TEX2: variants seen among roughly 807,000 people sequenced by gnomAD.
TEX2 encodes testis expressed 2.
Under a neutral mutation model 106.9 loss-of-function variants are expected in TEX2, and 53 were observed. The observed-to-expected ratio is 0.50, with a 90% CI of 0.40 to 0.62. The LOEUF is 0.62. Ranked by LOEUF, TEX2 falls within the 20% of genes least tolerant of loss-of-function variation. The pLI, the probability that TEX2 is intolerant of heterozygous loss-of-function variation, is 0.00. For missense variants in TEX2, 1,207 were observed against 1,379.0 expected (o/e 0.88, Z 1.98); for synonymous variants, 523 against 534.8 (o/e 0.98, Z 0.30).
At chr17:64,165,612 G>A (rs564793352) in intron 7 of TEX2, among the ~76,000 whole-genome samples, 8 of 152,368 alleles carry the variant, frequency 5.3e-5, no homozygotes, top group South Asian at 2.1e-4. Context: ...GTGGCAGGAG[G>A]AGTGGGCAAG....
chr17:64,179,548 A>G (rs6504207), intron 5 of TEX2, among the ~76,000 whole-genome samples: 149,063 of 152,270 alleles, frequency 0.98, 72,977 homozygotes, highest in East Asian at 1. Flanking sequence ...AACACTCACC[A>G]TGAAGGTCCG....
chr17:64,212,776 A>C lies in TEX2; in HGVS notation c.1442T>G (p.Met481Arg). Residue 481 changes from methionine (M) to arginine (R), a missense_variant, in exon 2 of 12, where the codon ATG becomes AGG. Around this residue, in one of 3 missense-constraint regions of TEX2, gnomAD observed 1,067 missense variants for 1,193.6 expected, o/e 0.89. Transcript: ENST00000584379. ...LPVKTLGFFI[M>R]CVYVYLILPL... The stretch of plus-strand genomic sequence containing the variant: ...GAGGATGAGGTACACATAGACACAC[A>C]TTATAAAGAAGCCCAACGTCTTCAC... 5 of 1,614,144 alleles carry C rather than the reference A, an allele frequency of 3.1e-6. No individual in the cohort carries two copies. The highest frequency in any genetic ancestry group is 4.2e-6 in the Non-Finnish European group (5 of 1,180,032).
At chr17:64,257,916 C>CTTT (rs566218290) in intron 1 of TEX2, among the ~76,000 whole-genome samples, 2 of 145,384 alleles carry the variant, frequency 1.4e-5, no homozygotes. Flanking sequence ...TATAACCGTT[C>CTTT]TTTTTTTTTT....
intron 1 of TEX2, among the ~76,000 whole-genome samples, chr17:64,230,222 C>G (rs1463268863): frequency 6.6e-6 from 1 of 151,546 alleles, no homozygotes; most frequent in East Asian, 2.0e-4. Flanking sequence ...TATGAGAAGG[C>G]ATGGTGGAAG....
intron 6 of TEX2, among the ~76,000 whole-genome samples, chr17:64,173,205 T>C (rs1166104215): frequency 6.6e-6 from 1 of 152,216 alleles, no homozygotes; most frequent in Non-Finnish European, 1.5e-5. Flanking sequence ...CTTTATAATA[T>C]ATTTTAGCTT....
chr17:64,219,957 C>T (rs893618428), intron 1 of TEX2, among the ~76,000 whole-genome samples: 10 of 152,122 alleles, frequency 6.6e-5, no homozygotes, highest in Admixed American at 1.3e-4. Context: ...CCTGGATTGC[C>T]TGGGTGGGCC....
intron 1 of TEX2, among the ~76,000 whole-genome samples, chr17:64,242,721 G>C (rs782370292): frequency 2.6e-5 from 4 of 152,120 alleles, no homozygotes; most frequent in Non-Finnish European, 4.4e-5. Flanking sequence ...AACGTACTTT[G>C]TTAAAAACAT....
At chr17:64,188,511 G>A (rs2032171504) in intron 4 of TEX2, 96 bp from the exon 5 acceptor site, 1 of 1,561,440 alleles carries the variant, frequency 6.4e-7, no homozygotes, top group Non-Finnish European at 8.7e-7. Flanking sequence ...GCTATCAAAT[G>A]ACTGTTTAAA....
Position 64,147,304 on chromosome 17 carries a change from C to T in TEX2, c.*1665G>A, listed in dbSNP as rs1398298553. The T allele has an allele frequency of 6.6e-6, 1 of 152,128 alleles. No individual in the cohort carries two copies. The highest frequency in any genetic ancestry group is 1.5e-5 in the Non-Finnish European group (1 of 68,026). The allele number at this position is 152,128 out of a possible 1,614,324, so 9.4% of individuals were successfully genotyped here. A position where few individuals can be genotyped will look rare whatever the true frequency, so the allele number is the denominator to read the frequency against. On this transcript the variant is annotated 3_prime_UTR_variant, in exon 12 of 12. Transcript: ENST00000584379. ...GATGTAGTGAGGATGGCTTTGTAGCCTTAGGACTGGGCAGTGATCAACGCA... is the reference window on the plus strand; with the variant it reads ...GATGTAGTGAGGATGGCTTTGTAGCTTTAGGACTGGGCAGTGATCAACGCA...
Position 64,153,209 on chromosome 17 carries a change from C to T in TEX2, c.2931-55G>A. ...GCACAAACTTTGCTCTTTTCACAGA[C>T]AAAAACCTGTGGCTCTTCGTTCCCC... On this transcript the variant is annotated intron_variant, in intron 9 of 11. Coordinates refer to ENST00000584379, the MANE Select transcript of TEX2 (RefSeq NM_001288732.2). This position sits in a 1 kb window ranked among gnomAD's most constrained non-coding sequence, Gnocchi z 4.1. 1 of 1,268,116 alleles carries T rather than the reference C, an allele frequency of 7.9e-7. No individual in the cohort carries two copies. Among genetic ancestry groups the T allele is most frequent in the Non-Finnish European group, 1.1e-6 (1 of 888,238 alleles). 78.6% of individuals were successfully genotyped at this position (1,268,116 alleles called of 1,614,324 possible).
At chr17:64,248,296 T>A (rs2034027999) in intron 1 of TEX2, among the ~76,000 whole-genome samples, 1 of 152,186 alleles carries the variant, frequency 6.6e-6, no homozygotes, top group Admixed American at 6.5e-5. Flanking sequence ...GAGAAAAGAA[T>A]CTATTTTATA....
intron 1 of TEX2, among the ~76,000 whole-genome samples, chr17:64,235,765 A>G (rs900795211): frequency 1.1e-4 from 16 of 152,326 alleles, no homozygotes; most frequent in Admixed American, 3.9e-4. Context: ...ATTGCTATAC[A>G]TAAGTAAATG....
rs771489710 is a variant in TEX2 at position 64,193,856 on chromosome 17, G to A, written c.1879C>T (p.Arg627Ter). Reference protein sequence around the residue: ...YLVPKTLARKRIWNKKYPICI... With the variant: ...YLVPKTLARK ...ATGGGGTACTTTTTATTCCAGATTC[G>A]CTTTCGAGCCAAAGTTTTAGGTACA... Residue 627 changes from arginine (R) to a stop codon, truncating the protein, a stop_gained, in exon 4 of 12, where the codon CGA becomes TGA. Transcript: ENST00000584379. LOFTEE classifies it high-confidence loss of function. The A allele has an allele frequency of 3.2e-6, 5 of 1,565,256 alleles. No homozygotes were observed. The highest frequency in any genetic ancestry group is 4.3e-6 in the Non-Finnish European group (5 of 1,151,002).
chr17:64,221,041 G>A (rs1406569710), intron 1 of TEX2, among the ~76,000 whole-genome samples: 1 of 152,192 alleles, frequency 6.6e-6, no homozygotes, highest in East Asian at 1.9e-4. Flanking sequence ...ATGAGATCAT[G>A]TCCTTTCCAG....
At chr17:64,189,842 G>A (rs1438868425) in intron 4 of TEX2, among the ~76,000 whole-genome samples, 1 of 152,002 alleles carries the variant, frequency 6.6e-6, no homozygotes, top group Non-Finnish European at 1.5e-5. Context: ...CATTAGCCTG[G>A]CATGGTGGCC....
chr17:64,230,466 C>T (rs1375938810), intron 1 of TEX2: 1 of 152,326 alleles, frequency 6.6e-6, no homozygotes, highest in Non-Finnish European at 1.5e-5. Flanking sequence ...GAACCACTTG[C>T]CTATAGGCCC....
rs1363574101 is a variant in TEX2 at position 64,168,967 on chromosome 17, T to C, written c.2671+2133A>G. 4.8e-5 allele frequency among the ~76,000 whole-genome samples: 7 copies of C among 144,568 alleles called. No homozygotes were observed. In the East Asian group the frequency reaches 1.4e-3, roughly 30 times the overall value. The allele number at this position is 144,568 out of a possible 152,430, so 94.8% of individuals were successfully genotyped here. A position where few individuals can be genotyped will look rare whatever the true frequency, so the allele number is the denominator to read the frequency against. ...CCCAGGCCTCAGACTCCCGAGTAGC[T>C]GGGATTACAGGCCAGGGTGATGCTA... On this transcript the variant is annotated intron_variant, in intron 7 of 11. Coordinates refer to ENST00000584379, the MANE Select transcript of TEX2 (RefSeq NM_001288732.2).
Position 64,213,763 on chromosome 17 carries a change from G to A in TEX2, c.455C>T (p.Ser152Phe). The change falls in exon 2 of 12, where the codon TCC (serine) becomes TTC (phenylalanine). Residue 152 changes from serine to phenylalanine, a missense_variant. Ser to Phe is a radical substitution (Grantham distance 155). Coordinates refer to ENST00000584379, the MANE Select transcript of TEX2 (RefSeq NM_001288732.2). The surrounding 1 kb of genome is among the most constrained non-coding windows in gnomAD (Gnocchi z 4.4). Reference sequence around the variant, plus strand: ...AGAACTGGTTTTCTGCTCAGAAAGGGATGACACACTGGGAGAGCTAGCTAA... The same window carrying A: ...AGAACTGGTTTTCTGCTCAGAAAGGAATGACACACTGGGAGAGCTAGCTAA... Reference protein sequence around the residue: ...GPLASSPSVSSLSEQKTSSSS... With the variant: ...GPLASSPSVSFLSEQKTSSSS... The A allele has an allele frequency of 1.2e-6, 2 of 1,614,186 alleles. No homozygotes were observed. The highest frequency in any genetic ancestry group is 1.1e-5 in the South Asian group (1 of 91,086).
chr17:64,207,247 G>A (rs555063371), intron 2 of TEX2, among the ~76,000 whole-genome samples: 3 of 152,204 alleles, frequency 2.0e-5, no homozygotes, highest in East Asian at 3.9e-4. Context: ...GAACTTATAC[G>A]GCTCAGAGGT....
Sources: gnomAD v4.1 joint callset for allele counts (sites outside exome capture counted in the v4.1 genomes callset) on GRCh38, gnomAD v4.1.1 for gene constraint, gnomAD v4.1.1 regional missense constraint, Gnocchi (gnomAD v3.1) non-coding constraint, MANE v1.5 for transcripts, NCBI Gene and HGNC (gene_info 2026-07-23, HGNC 2026-07-21) for gene names.